The following FAM149A variants were observed in gnomAD, a reference collection of about 807,000 sequenced individuals.
The protein encoded by FAM149A is protein FAM149A.
FAM149A carries 71 observed loss-of-function variants against 78.2 expected under a neutral mutation model. The ratio of observed to expected loss-of-function variants is 0.91; its 90% confidence interval spans 0.75 to 1.11. The LOEUF (loss-of-function observed/expected upper bound fraction) is 1.11. FAM149A is among the 50% of genes least tolerant of loss of function. FAM149A has a pLI of 0.00. For missense variants in FAM149A, 1,036 were observed against 971.0 expected (o/e 1.07, Z -0.89); for synonymous variants, 446 against 410.5 (o/e 1.09, Z -1.04).
chr4:186,110,243 T>C (rs1250752968), intron 1 of FAM149A: 2 of 985,334 alleles, frequency 2.0e-6, no homozygotes. Flanking sequence ...GCAGTTTAAA[T>C]GTCTTTCTTG....
Position 186,144,262 on chromosome 4 carries a change from A to G in FAM149A, c.567-4911A>G, listed in dbSNP as rs1383051516. On this transcript the variant is annotated intron_variant, in intron 1 of 13. Coordinates refer to ENST00000389354, the MANE Select transcript of FAM149A (RefSeq NM_001367768.3). This position sits in a 1 kb window ranked among gnomAD's most constrained non-coding sequence, Gnocchi z 4.2. ...ATAATCCTGGGCCTCCAAAACTGAAACGAGCACATGGTAACGCAAGCGGCA... is the reference window on the plus strand; with the variant it reads ...ATAATCCTGGGCCTCCAAAACTGAAGCGAGCACATGGTAACGCAAGCGGCA... 4.6e-5 allele frequency: 7 copies of G among 152,258 alleles called. No individual in the cohort carries two copies. The highest frequency in any genetic ancestry group is 1.4e-4 in the African/African-American group (6 of 41,530). 9.4% of individuals were successfully genotyped at this position (152,258 alleles called of 1,614,324 possible).
chr4:186,143,765 A>G (rs1371244164), intron 1 of FAM149A, among the ~76,000 whole-genome samples: 1 of 152,108 alleles, frequency 6.6e-6, no homozygotes, highest in Non-Finnish European at 1.5e-5. Context: ...TCCTGATCTC[A>G]AGTGATCCGC....
At chr4:186,151,069 G>C in intron 3 of FAM149A, 1 of 985,296 alleles carries the variant, frequency 1.0e-6, no homozygotes, top group Non-Finnish European at 1.2e-6. Context: ...TCTGTCCGCA[G>C]CTGTGCAGCT....
chr4:186,170,686 G>T (rs1735452486), intron 13 of FAM149A, among the ~76,000 whole-genome samples: 1 of 152,168 alleles, frequency 6.6e-6, no homozygotes, highest in Non-Finnish European at 1.5e-5. Flanking sequence ...GGCACCAAGG[G>T]ACAGGAAACC....
intron 13 of FAM149A, among the ~76,000 whole-genome samples, chr4:186,169,034 T>A (rs752332879): frequency 2.6e-5 from 4 of 152,260 alleles, no homozygotes; most frequent in Non-Finnish European, 2.9e-5. Context: ...TCTGACGAGT[T>A]CACTTTTGGG....
chr4:186,109,103 TC>T lies in FAM149A; in HGVS notation c.566+3464del, dbSNP rs963823339. On this transcript the variant is annotated intron_variant, in intron 1 of 13. Transcript: ENST00000389354. ...ACCTTGTAATTTGCCCGCCTCGGCC[TC>T]CCGAAGTGCTGGGATTACAGGCTTG... 4.9e-6 allele frequency: 4 copies of T among 824,490 alleles called. No individual in the cohort carries two copies. The African/African-American group carries it at 5.6e-5, about 11-fold the overall frequency. 51.1% of individuals were successfully genotyped at this position (824,490 alleles called of 1,614,324 possible). A position where few individuals can be genotyped will look rare whatever the true frequency, so the allele number is the denominator to read the frequency against.
chr4:186,117,590 G>C (rs2150087037), intron 1 of FAM149A: 1 of 985,456 alleles, frequency 1.0e-6, no homozygotes. Context: ...TGTGAGCAAA[G>C]CCGTGGAGGC....
In FAM149A at chr4:186,144,785, GC is replaced by G; in HGVS notation, c.567-4387del. 1 of 978,058 alleles carries G rather than the reference GC, an allele frequency of 1.0e-6. No individual in the cohort carries two copies. Among genetic ancestry groups the G allele is most frequent in the Non-Finnish European group, 1.2e-6 (1 of 823,402 alleles). 60.6% of individuals were successfully genotyped at this position (978,058 alleles called of 1,614,324 possible). On this transcript the variant is annotated intron_variant, in intron 1 of 13. Transcript: ENST00000389354. The surrounding 1 kb of genome is among the most constrained non-coding windows in gnomAD (Gnocchi z 4.2). ...GGGCGGGCGCAGCCGGGATTAGCTG[GC>G]GGGCGAGGGCGCAGCGCAGGGAGGA...
chr4:186,147,015 A>C, intron 1 of FAM149A: 3 of 973,902 alleles, frequency 3.1e-6, no homozygotes, highest in Non-Finnish European at 3.7e-6. Context: ...AAAGATCTAT[A>C]TAATACAAAA....
intron 1 of FAM149A, among the ~76,000 whole-genome samples, chr4:186,147,400 A>G (rs1056407210): frequency 6.6e-6 from 1 of 152,188 alleles, no homozygotes; most frequent in African/African-American, 2.4e-5. Context: ...TAATAATAAC[A>G]TAACAATAAT....
intron 13 of FAM149A, among the ~76,000 whole-genome samples, chr4:186,170,209 G>T (rs1376453383): frequency 2.0e-5 from 3 of 152,240 alleles, no homozygotes; most frequent in African/African-American, 4.8e-5. Context: ...CAATCCGGAG[G>T]AGGCCATGCC....
Position 186,160,432 on chromosome 4 carries a change from C to G in FAM149A, c.1576-2413C>G, listed in dbSNP as rs909472354. 2.0e-5 allele frequency among the ~76,000 whole-genome samples: 3 copies of G among 147,928 alleles called. No homozygotes were observed. In the South Asian group the frequency reaches 6.6e-4, roughly 33 times the overall value. ...ACCCCCCACATAAACACACCACACA[C>G]CAAACATATATCCCACACAAACACA... On this transcript the variant is annotated intron_variant, in intron 8 of 13. Transcript: ENST00000389354.
chr4:186,111,825 A>G (rs1279131711), intron 1 of FAM149A, among the ~76,000 whole-genome samples: 1 of 151,382 alleles, frequency 6.6e-6, no homozygotes, highest in Non-Finnish European at 1.5e-5. Flanking sequence ...GAAGTCAGGT[A>G]GTGTGATGCC....
chr4:186,108,727 A>T (rs1392349730), intron 1 of FAM149A, among the ~76,000 whole-genome samples: 1 of 151,850 alleles, frequency 6.6e-6, no homozygotes, highest in African/African-American at 2.4e-5. Flanking sequence ...TTCCCTGTCC[A>T]TTTCATGTAT....
chr4:186,162,255 C>T (rs553457017), intron 8 of FAM149A, among the ~76,000 whole-genome samples: 2 of 152,246 alleles, frequency 1.3e-5, no homozygotes, highest in East Asian at 3.9e-4. Context: ...CTGATGCTTT[C>T]GAGGGTCCAG....
chr4:186,138,377 T>C (rs1410839892), intron 1 of FAM149A, among the ~76,000 whole-genome samples: 6 of 152,212 alleles, frequency 3.9e-5, no homozygotes, highest in South Asian at 4.1e-4. Context: ...TACAATTATA[T>C]TTTAGCAAAT....
chr4:186,151,541 G>A (rs1212173358), intron 3 of FAM149A, among the ~76,000 whole-genome samples: 3 of 152,186 alleles, frequency 2.0e-5, no homozygotes, highest in Admixed American at 6.5e-5. Context: ...GCTCTGTGAG[G>A]AGCTGCCTGT....
chr4:186,117,116 A>G (rs2099314073), intron 1 of FAM149A, among the ~76,000 whole-genome samples: 1 of 151,958 alleles, frequency 6.6e-6, no homozygotes, highest in Admixed American at 6.6e-5. Context: ...TTAAGAGATC[A>G]TCTATACAAA....
At chr4:186,117,398 G>C in intron 1 of FAM149A, 1 of 977,238 alleles carries the variant, frequency 1.0e-6, no homozygotes, top group Non-Finnish European at 1.2e-6. Context: ...GGAAAAATAA[G>C]ATAAATGATC....
Sources: gnomAD v4.1 joint callset for allele counts (sites outside exome capture counted in the v4.1 genomes callset) on GRCh38, gnomAD v4.1.1 for gene constraint, Gnocchi (gnomAD v3.1) non-coding constraint, MANE v1.5 for transcripts, NCBI Gene and HGNC (gene_info 2026-07-23, HGNC 2026-07-21) for gene names.